Variants in ATP2B2 observed in about 807,000 individuals in gnomAD.
The protein encoded by ATP2B2 is ATPase plasma membrane Ca2+ transporting 2.
In ATP2B2, 15 loss-of-function variants were observed where a neutral mutation model predicts 120.0. The ratio of observed to expected loss-of-function variants is 0.12; its 90% confidence interval spans 0.08 to 0.19. The LOEUF is 0.19. ATP2B2 is among the 10% of genes least tolerant of loss of function. ATP2B2 has a pLI of 1.00. For synonymous variants in ATP2B2, 694 were observed against 700.3 expected, an observed-to-expected ratio of 0.99 and a Z score of 0.14; for missense variants, 1,045 against 1,719.8, an observed-to-expected ratio of 0.61 and a Z score of 6.94.
chr3:10,375,337 C>T lies in ATP2B2; in HGVS notation c.1416+93G>A, dbSNP rs1297392351. 3.5e-6 allele frequency: 4 copies of T among 1,157,162 alleles called. No homozygotes were observed. In the African/African-American group the frequency reaches 4.5e-5, roughly 13 times the overall value. 71.7% of individuals were successfully genotyped at this position (1,157,162 alleles called of 1,614,324 possible). On this transcript the variant is annotated intron_variant, in intron 11 of 22. Coordinates refer to ENST00000360273, the MANE Select transcript of ATP2B2 (RefSeq NM_001001331.4). This position sits in a 1 kb window ranked among gnomAD's most constrained non-coding sequence, Gnocchi z 4.2. ...AGGGGGTCTATGGGGCTTCTTCGTT[C>T]ATCTCCCAACCCCAGCACCAGCCCC...
chr3:10,534,854 C>T (rs912339062), intron 2 of ATP2B2, among the ~76,000 whole-genome samples: 4 of 149,502 alleles, frequency 2.7e-5, no homozygotes, highest in Non-Finnish European at 5.9e-5. Flanking sequence ...TCCCTATCAG[C>T]TTCCTTCTCT....
chr3:10,509,889 C>T (rs1288638107), upstream of ATP2B2, among the ~76,000 whole-genome samples: 1 of 152,208 alleles, frequency 6.6e-6, no homozygotes, highest in Non-Finnish European at 1.5e-5. Context: ...GCAAGTGACT[C>T]GACCTCCCTG....
At chr3:10,462,998 C>G (rs2064562801) in intron 1 of ATP2B2, among the ~76,000 whole-genome samples, 1 of 152,168 alleles carries the variant, frequency 6.6e-6, no homozygotes, top group African/African-American at 2.4e-5. Context: ...TGCCTTCCAA[C>G]TTTTGCATAT....
intron 2 of ATP2B2, among the ~76,000 whole-genome samples, chr3:10,607,711 A>C (rs2069124651): frequency 6.6e-6 from 1 of 152,216 alleles, no homozygotes; most frequent in African/African-American, 2.4e-5. Context: ...AGCGAGGGCC[A>C]AGCTAAGCCT....
Position 10,400,513 on chromosome 3 carries a change from C to T in ATP2B2, c.781+440G>A, listed in dbSNP as rs1412646606. On this transcript the variant is annotated intron_variant, in intron 5 of 22. Coordinates refer to ENST00000360273, the MANE Select transcript of ATP2B2 (RefSeq NM_001001331.4). Reference sequence around the variant, plus strand: ...CACATCGCCTCCCTGCTCCTCACTCCGCCACAAGCTCCTCAGGGCTGGGCC... The same window carrying T: ...CACATCGCCTCCCTGCTCCTCACTCTGCCACAAGCTCCTCAGGGCTGGGCC... 3.3e-5 allele frequency among the ~76,000 whole-genome samples: 5 copies of T among 152,182 alleles called. No individual in the cohort carries two copies. The East Asian group carries it at 7.7e-4, about 23-fold the overall frequency.
Position 10,516,512 on chromosome 3 carries a change from T to C in ATP2B2, c.-320+17527A>G, listed in dbSNP as rs544310061. 7.9e-5 allele frequency among the ~76,000 whole-genome samples: 12 copies of C among 152,352 alleles called. No individual in the cohort carries two copies. The East Asian group carries it at 1.7e-3, about 22-fold the overall frequency. ...CCCTCTTAGCTGCCAGCACCTCAGA[T>C]ACCATCCTGTCGTTCCAGTTCTCAT... On this transcript the variant is annotated intron_variant, in intron 3 of 21. Coordinates refer to the ATP2B2 transcript ENST00000646379.
chr3:10,521,279 C>T (rs1036765586), intron 3 of ATP2B2, among the ~76,000 whole-genome samples: 2 of 152,206 alleles, frequency 1.3e-5, no homozygotes, highest in Non-Finnish European at 2.9e-5. Context: ...AAGAATTTAG[C>T]CTTGATCTGG....
intron 16 of ATP2B2, among the ~76,000 whole-genome samples, chr3:10,349,315 C>T (rs892938009): frequency 3.3e-5 from 5 of 152,098 alleles, no homozygotes; most frequent in Admixed American, 1.3e-4. Flanking sequence ...ATTATCCAGG[C>T]ACGTTGACAC....
chr3:10,572,712 C>A (rs558685013), intron 2 of ATP2B2, among the ~76,000 whole-genome samples: 1 of 152,222 alleles, frequency 6.6e-6, no homozygotes, highest in African/African-American at 2.4e-5. Flanking sequence ...CAGGAAGGGG[C>A]AAACGCTCAT....
chr3:10,667,876 T>G (rs1483590294), intron 1 of ATP2B2, among the ~76,000 whole-genome samples: 5 of 152,214 alleles, frequency 3.3e-5, no homozygotes, highest in Non-Finnish European at 1.5e-5. Context: ...GCTCCTTTCT[T>G]ACTATGCAAA....
chr3:10,684,306 T>C (rs975790244), intron 1 of ATP2B2, among the ~76,000 whole-genome samples: 1 of 152,208 alleles, frequency 6.6e-6, no homozygotes, highest in African/African-American at 2.4e-5. Flanking sequence ...CTAGAACAAC[T>C]GGTGACCACC....
intron 1 of ATP2B2, among the ~76,000 whole-genome samples, chr3:10,651,492 T>C (rs960691255): frequency 6.6e-6 from 1 of 152,210 alleles, no homozygotes; most frequent in Non-Finnish European, 1.5e-5. Context: ...CCTTCCACCA[T>C]GATTGTGAGG....
At chr3:10,690,101 A>T (rs967039321) in intron 1 of ATP2B2, among the ~76,000 whole-genome samples, 3 of 152,254 alleles carry the variant, frequency 2.0e-5, no homozygotes, top group African/African-American at 7.2e-5. Context: ...GCAGTCAAAC[A>T]GCAACAACAA....
In ATP2B2 at chr3:10,422,776, T is replaced by A. The variant is rs140572063; in HGVS notation, c.200-11961A>T. Among the ~76,000 whole-genome samples the A allele has an allele frequency of 3.8e-3, 578 of 152,372 alleles. 3 individuals are homozygous for A. Among genetic ancestry groups the A allele is most frequent in the Non-Finnish European group, 6.9e-3 (472 of 68,038 alleles). On this transcript the variant is annotated intron_variant, in intron 2 of 22. Transcript: ENST00000360273. The stretch of plus-strand genomic sequence containing the variant: ...TCGCTTATGTGCACCCATGTGGACA[T>A]GGCACAGAACGGGCACACAGAGGCT...
At chr3:10,410,102 G>A (rs990674693) in intron 3 of ATP2B2, among the ~76,000 whole-genome samples, 37 of 152,140 alleles carry the variant, frequency 2.4e-4, no homozygotes, top group Non-Finnish European at 4.9e-4. Flanking sequence ...TGGTGACCTC[G>A]AGCAGATTAA....
intron 1 of ATP2B2, among the ~76,000 whole-genome samples, chr3:10,704,166 C>A (rs766020706): frequency 6.6e-6 from 1 of 152,228 alleles, no homozygotes; most frequent in Non-Finnish European, 1.5e-5. Flanking sequence ...TAGAGGCCAT[C>A]ATTTCCTGAG....
chr3:10,435,635 CT>C (rs886765634), intron 2 of ATP2B2, among the ~76,000 whole-genome samples: 73 of 152,252 alleles, frequency 4.8e-4, no homozygotes, highest in African/African-American at 1.7e-3. Flanking sequence ...TAAAGGTGGA[CT>C]TTCAGGCAGG....
intron 1 of ATP2B2, among the ~76,000 whole-genome samples, chr3:10,636,770 T>G (rs1209227225): frequency 6.6e-6 from 1 of 152,082 alleles, no homozygotes; most frequent in Non-Finnish European, 1.5e-5. Context: ...TGGAGCCCGG[T>G]GGACTCTGAG....
At chr3:10,666,502 A>G (rs2070941719) in intron 1 of ATP2B2, among the ~76,000 whole-genome samples, 1 of 152,168 alleles carries the variant, frequency 6.6e-6, no homozygotes. Flanking sequence ...TGCCCAACCA[A>G]TCCCTCTTCT....
Sources: allele counts gnomAD v4.1 joint callset (sites outside exome capture counted in the v4.1 genomes callset), GRCh38; gene constraint gnomAD v4.1.1; non-coding constraint Gnocchi (gnomAD v3.1); transcripts MANE v1.5; gene names NCBI Gene and HGNC (gene_info 2026-07-23, HGNC 2026-07-21).